The following MB variants were observed in gnomAD, a reference collection of about 807,000 sequenced individuals.
MB encodes nitrite reductase MB.
Under a neutral mutation model 14.5 loss-of-function variants are expected in MB, and 10 were observed. That is an observed-to-expected ratio of 0.69 (90% CI 0.43 to 1.17). The LOEUF (loss-of-function observed/expected upper bound fraction) is 1.17, where lower values mean the gene tolerates loss of function less well. MB is among the 50% of genes most tolerant of loss of function. MB has a pLI of 0.00. For synonymous variants in MB, 89 were observed against 78.6 expected (o/e 1.13, Z -0.70); for missense variants, 169 against 192.7 (o/e 0.88, Z 0.73).
At chr22:35,610,153 C>A (rs1241479109) in intron 2 of MB, among the ~76,000 whole-genome samples, 1 of 152,206 alleles carries the variant, frequency 6.6e-6, no homozygotes. Flanking sequence ...TGTGGTCCTT[C>A]ATCCCCAGCT....
rs574663297 is a variant in MB, at chr22:35,616,977, G to A, written c.95+186C>T. On this transcript the variant is annotated intron_variant, in intron 1 of 2. Coordinates refer to ENST00000397326, the MANE Select transcript of MB (RefSeq NM_005368.3). ...CAGCTGCTGACATCAGCCTGAAATGGCTCCTTTCCCTCTCCTGAGTCCAAT... is the reference window on the plus strand; with the variant it reads ...CAGCTGCTGACATCAGCCTGAAATGACTCCTTTCCCTCTCCTGAGTCCAAT... 23 of 567,536 alleles carry A rather than the reference G, an allele frequency of 4.1e-5. No homozygotes were observed. The East Asian group carries it at 5.4e-4, about 13-fold the overall frequency. The allele number at this position is 567,536 out of a possible 1,614,324, so 35.2% of individuals were successfully genotyped here. A position where few individuals can be genotyped will look rare whatever the true frequency, so the allele number is the denominator to read the frequency against.
intron 1 of MB, chr22:35,615,750 T>A (rs5750134): frequency 0.67 from 102,226 of 151,870 alleles, 35,983 homozygotes; most frequent in East Asian, 0.93. Context: ...TCACATGGCA[T>A]ATCTGTGGCC....
intron 1 of MB, among the ~76,000 whole-genome samples, chr22:35,612,126 G>T (rs937637364): frequency 6.6e-6 from 1 of 152,156 alleles, no homozygotes; most frequent in African/African-American, 2.4e-5. Flanking sequence ...TTTGGCACGG[G>T]CAACCCTGTC....
At chr22:35,613,845 C>A (rs931109388) in intron 1 of MB, among the ~76,000 whole-genome samples, 4 of 152,210 alleles carry the variant, frequency 2.6e-5, no homozygotes, top group Non-Finnish European at 5.9e-5. Context: ...ATTTGTCTCC[C>A]CGCAAGATCA....
chr22:35,617,403 C>G, upstream of MB: 1 of 621,358 alleles, frequency 1.6e-6, no homozygotes. Flanking sequence ...GGCTCGCTGT[C>G]CCCCTCCCCT....
chr22:35,607,154 G>T lies in MB; in HGVS notation c.*143C>A. 1.0e-6 allele frequency: 1 copy of T among 967,126 alleles called. No homozygotes were observed. The highest frequency in any genetic ancestry group is 1.5e-6 in the Non-Finnish European group (1 of 665,774). 59.9% of individuals were successfully genotyped at this position (967,126 alleles called of 1,614,324 possible). A position where few individuals can be genotyped will look rare whatever the true frequency, so the allele number is the denominator to read the frequency against. ...ATGCAAAGCCAACTTCAACACCCCA[G>T]CCCCAGCCCCTCAGCTCCTCCTGCC... On this transcript the variant is annotated 3_prime_UTR_variant, in exon 3 of 3. Coordinates refer to ENST00000397326, the MANE Select transcript of MB (RefSeq NM_005368.3).
Position 35,607,231 on chromosome 22 carries a change from C to G in MB, c.*66G>C. ...CAGAAGCAAACTCTATATGGCTACA[C>G]GAGATCAGACCCCGCTCTCTCTTGA... On this transcript the variant is annotated 3_prime_UTR_variant, in exon 3 of 3. Coordinates refer to ENST00000397326, the MANE Select transcript of MB (RefSeq NM_005368.3). The G allele has an allele frequency of 6.5e-7, 1 of 1,536,336 alleles. No homozygotes were observed. Among genetic ancestry groups the G allele is most frequent in the Non-Finnish European group, 8.8e-7 (1 of 1,134,596 alleles).
intron 1 of MB, chr22:35,622,494 C>G (rs1303099488): frequency 6.6e-6 from 1 of 152,614 alleles, no homozygotes; most frequent in East Asian, 1.9e-4. Flanking sequence ...TCCCCTTCTC[C>G]CCAGCTGTCC....
At chr22:35,609,594 A>G (rs1366133598) in intron 2 of MB, among the ~76,000 whole-genome samples, 4 of 152,202 alleles carry the variant, frequency 2.6e-5, no homozygotes, top group African/African-American at 7.2e-5. Flanking sequence ...CCAGAGTACC[A>G]TGGATCTGAC....
Position 35,611,063 on chromosome 22 carries a change from AC to A in MB, c.138del (p.Lys46AsnfsTer5), listed in dbSNP as rs1922584048. The A allele has an allele frequency of 1.2e-6, 2 of 1,614,048 alleles. No homozygotes were observed. The highest frequency in any genetic ancestry group is 1.7e-6 in the Non-Finnish European group (2 of 1,180,014). ...GHPETLEKFD[K>X]FKHLKSEDEM... ...TCGTCCTCTGACTTCAGGTGCTTGA[AC>A]TTGTCAAACTTCTCCAGAGTCTCTG... On this transcript the variant is annotated frameshift_variant, in exon 2 of 3. Transcript: ENST00000397326. LOFTEE classifies it high-confidence loss of function.
At chr22:35,620,803 C>G (rs867383486), upstream of MB, among the ~76,000 whole-genome samples, 1 of 152,168 alleles carries the variant, frequency 6.6e-6, no homozygotes, top group Non-Finnish European at 1.5e-5. Flanking sequence ...GCTCTTCTCC[C>G]GTCTCTGGCC....
upstream of MB, among the ~76,000 whole-genome samples, chr22:35,619,687 T>C (rs1923340170): frequency 6.6e-6 from 1 of 152,194 alleles, no homozygotes; most frequent in Admixed American, 6.5e-5. Context: ...GGACAAATAA[T>C]AGGAAATGTA....
upstream of MB, chr22:35,622,006 C>A (rs1337984883): frequency 6.6e-6 from 1 of 152,210 alleles, no homozygotes; most frequent in African/African-American, 2.4e-5. Context: ...TGCACCTGGC[C>A]CACAGTTTTT....
rs139897470 is a variant in MB, at chr22:35,606,787, TA to T, written c.*509del. ...ACTGAGATGTTGCAGGTTGTTTTAT[TA>T]AAACCAGGTGAGTCACTGCCATACC... is the stretch of plus-strand genomic sequence containing the variant. On this transcript the variant is annotated 3_prime_UTR_variant, in exon 3 of 3. Transcript: ENST00000397326. 10,936 of 152,540 alleles carry T rather than the reference TA, an allele frequency of 0.072. 400 individuals carry two copies. The highest frequency in any genetic ancestry group is 0.085 in the Non-Finnish European group (5,805 of 68,252). 9.4% of individuals were successfully genotyped at this position (152,540 alleles called of 1,614,324 possible).
At chr22:35,611,805 C>A (rs1922651868) in intron 1 of MB, among the ~76,000 whole-genome samples, 1 of 152,050 alleles carries the variant, frequency 6.6e-6, no homozygotes, top group Non-Finnish European at 1.5e-5. Flanking sequence ...AGCTTTAGAC[C>A]TCGGTCCTTC....
intron 1 of MB, among the ~76,000 whole-genome samples, chr22:35,622,828 C>T (rs1001425095): frequency 2.0e-5 from 3 of 152,122 alleles, no homozygotes; most frequent in Non-Finnish European, 2.9e-5. Context: ...CCTAACCCCA[C>T]ATCCACCCAT....
At chr22:35,617,019 C>A in intron 1 of MB, 144 bp downstream of exon 1, 1 of 648,212 alleles carries the variant, frequency 1.5e-6, no homozygotes. Flanking sequence ...CACTTAAAAG[C>A]AAAGAAAAAG....
At chr22:35,618,084 G>T (rs963975949), upstream of MB, among the ~76,000 whole-genome samples, 2 of 152,106 alleles carry the variant, frequency 1.3e-5, no homozygotes, top group African/African-American at 4.8e-5. Context: ...GACTTTGCTG[G>T]GTGCCAGGCC....
chr22:35,618,023 G>A (rs1394359902), upstream of MB, among the ~76,000 whole-genome samples: 2 of 152,040 alleles, frequency 1.3e-5, no homozygotes, highest in Admixed American at 6.5e-5. Flanking sequence ...CTATTTCCTG[G>A]TTTTCATGCC....
Sources: gnomAD v4.1 joint callset for allele counts (sites outside exome capture counted in the v4.1 genomes callset) on GRCh38, gnomAD v4.1.1 for gene constraint, MANE v1.5 for transcripts, NCBI Gene and HGNC (gene_info 2026-07-23, HGNC 2026-07-21) for gene names.